CRACD: variants seen among roughly 807,000 people sequenced by gnomAD.
CRACD encodes the protein capping protein inhibiting regulator of actin dynamics, also known as capping protein-inhibiting regulator of actin dynamics.
CRACD carries 56 observed loss-of-function variants against 106.8 expected under a neutral mutation model. The observed-to-expected ratio is 0.52, with a 90% CI of 0.42 to 0.66. The LOEUF is 0.66. Ranked by LOEUF, CRACD falls within the 30% of genes least tolerant of loss-of-function variation. The pLI is 0.00. For missense variants in CRACD, 1,730 were observed against 1,623.2 expected (o/e 1.07, Z -1.13); for synonymous variants, 754 against 670.8 (o/e 1.12, Z -1.92).
intron 2 of CRACD, among the ~76,000 whole-genome samples, chr4:56,268,351 G>A (rs1348313627): frequency 3.3e-5 from 5 of 151,928 alleles, no homozygotes; most frequent in Admixed American, 2.6e-4. Flanking sequence ...CCCAGGCTGG[G>A]ATAATGATGT....
intron 2 of CRACD, among the ~76,000 whole-genome samples, chr4:56,252,075 T>A (rs1741087053): frequency 6.6e-6 from 1 of 152,242 alleles, no homozygotes; most frequent in South Asian, 2.1e-4. Context: ...CTATTATACT[T>A]AGTGTTACTA....
chr4:56,089,187 C>A (rs1223277355), intron 1 of CRACD, among the ~76,000 whole-genome samples: 1 of 152,216 alleles, frequency 6.6e-6, no homozygotes, highest in Non-Finnish European at 1.5e-5. Context: ...CTGTGAAGAT[C>A]CTACCTTACC....
chr4:56,105,237 G>A (rs1733911048), intron 1 of CRACD, among the ~76,000 whole-genome samples: 3 of 152,274 alleles, frequency 2.0e-5, no homozygotes, highest in South Asian at 2.1e-4. Context: ...AGTGGCTGAC[G>A]CTTGTAATCC....
intron 1 of CRACD, among the ~76,000 whole-genome samples, chr4:56,141,898 T>A (rs895486168): frequency 2.0e-5 from 3 of 151,808 alleles, no homozygotes; most frequent in African/African-American, 7.3e-5. Context: ...CTCACTGTGT[T>A]GCCCAGGCTG....
At position 56,307,662 on chromosome 4, in the gene CRACD, C is replaced by T. The variant is rs1221046974; in HGVS notation, c.248C>T (p.Thr83Ile). 6.2e-7 allele frequency: 1 copy of T among 1,614,166 alleles called. No individual in the cohort carries two copies. Among genetic ancestry groups the T allele is most frequent in the South Asian group, 1.1e-5 (1 of 91,072 alleles). The change falls in exon 5 of 11, where the codon ACT becomes ATT. Residue 83 changes from threonine to isoleucine, a missense_variant. By Grantham distance (89) the Thr-to-Ile change is moderately conservative. Coordinates refer to ENST00000682029, the MANE Select transcript of CRACD (RefSeq NM_001393381.1). ...LFLTSPMEIVTQQDIVLSDAE... is the reference protein window; with the variant it reads ...LFLTSPMEIVIQQDIVLSDAE... ...CTGACCAGTCCCATGGAAATTGTGA[C>T]TCAGCAGGACATCGTCCTCTCAGAC...
intron 2 of CRACD, among the ~76,000 whole-genome samples, chr4:56,255,790 T>C (rs975041080): frequency 2.0e-5 from 3 of 152,230 alleles, no homozygotes; most frequent in African/African-American, 4.8e-5. Flanking sequence ...TCATGTCTGG[T>C]GGCTTTTCTT....
chr4:56,087,065 G>A (rs1413828416), intron 1 of CRACD, among the ~76,000 whole-genome samples: 2 of 152,026 alleles, frequency 1.3e-5, no homozygotes, highest in African/African-American at 4.8e-5. Context: ...AGGCTGGAGT[G>A]TGGTGGTGTG....
chr4:56,235,609 G>A (rs1398053870), intron 2 of CRACD, among the ~76,000 whole-genome samples: 8 of 152,130 alleles, frequency 5.3e-5, no homozygotes, highest in South Asian at 4.1e-4. Context: ...AAAGTCATAC[G>A]CTACATGCTC....
At chr4:56,100,056 C>T (rs1577961950) in intron 1 of CRACD, among the ~76,000 whole-genome samples, 1 of 152,152 alleles carries the variant, frequency 6.6e-6, no homozygotes, top group South Asian at 2.1e-4. Context: ...GCCTGGCTAC[C>T]ATGGTGAAAC....
intron 1 of CRACD, among the ~76,000 whole-genome samples, chr4:56,146,505 G>C (rs907601628): frequency 6.6e-6 from 1 of 151,160 alleles, no homozygotes; most frequent in Non-Finnish European, 1.5e-5. Flanking sequence ...TGCCATGCTG[G>C]TGTGCTGCAC....
intron 1 of CRACD, among the ~76,000 whole-genome samples, chr4:56,050,784 C>A (rs373084604): frequency 1.3e-5 from 2 of 152,190 alleles, no homozygotes; most frequent in Admixed American, 6.5e-5. Flanking sequence ...CTGGATCGCC[C>A]TTTCCACTGT....
intron 4 of CRACD, among the ~76,000 whole-genome samples, chr4:56,302,529 C>G (rs936150223): frequency 1.3e-5 from 2 of 152,176 alleles, no homozygotes; most frequent in Non-Finnish European, 2.9e-5. Context: ...TTACAAATAC[C>G]AAAGTCATAC....
chr4:56,185,692 G>T (rs914193645), intron 2 of CRACD, among the ~76,000 whole-genome samples: 2 of 152,172 alleles, frequency 1.3e-5, no homozygotes, highest in East Asian at 3.9e-4. Context: ...TACTTAATCT[G>T]CAAGGATATG....
chr4:56,092,614 T>A (rs965148231), intron 1 of CRACD, among the ~76,000 whole-genome samples: 2 of 152,052 alleles, frequency 1.3e-5, no homozygotes, highest in Non-Finnish European at 2.9e-5. Flanking sequence ...ATTTTTTAAT[T>A]TTTTTTGAGA....
chr4:56,053,224 TG>T (rs1203149867), intron 1 of CRACD, among the ~76,000 whole-genome samples: 3 of 152,222 alleles, frequency 2.0e-5, no homozygotes, highest in Non-Finnish European at 2.9e-5. Context: ...CATAGTGTAT[TG>T]ATTGGTCTTA....
chr4:56,318,157 A>G (rs1268066148), intron 8 of CRACD, among the ~76,000 whole-genome samples: 1 of 151,718 alleles, frequency 6.6e-6, no homozygotes, highest in Non-Finnish European at 1.5e-5. Context: ...ATTTTATTTT[A>G]TTGTTTATTA....
chr4:56,055,345 G>A (rs373728625), intron 1 of CRACD, among the ~76,000 whole-genome samples: 10 of 152,018 alleles, frequency 6.6e-5, no homozygotes, highest in African/African-American at 2.4e-4. Context: ...GAAAATTCTT[G>A]TATATAATTG....
rs57923463 is a variant in CRACD at position 56,263,828 on chromosome 4, G to C, written c.-188-8493G>C. ...TGTGATGAATTATCACTGGAGTTGG[G>C]GGCTTGGGAAAATTTTAAGGACATA... On this transcript the variant is annotated intron_variant, in intron 2 of 10. Coordinates refer to ENST00000682029, the MANE Select transcript of CRACD (RefSeq NM_001393381.1). Among the ~76,000 whole-genome samples the C allele has an allele frequency of 8.9e-4, 135 of 152,230 alleles. 2 individuals are homozygous for C. The East Asian group carries it at 0.024, about 27-fold the overall frequency.
At chr4:56,077,703 G>T (rs1326034421) in intron 1 of CRACD, among the ~76,000 whole-genome samples, 1 of 152,164 alleles carries the variant, frequency 6.6e-6, no homozygotes, top group Non-Finnish European at 1.5e-5. Context: ...TTTGCACGTA[G>T]ACTTAGCAGC....
Sources: allele counts gnomAD v4.1 joint callset (sites outside exome capture counted in the v4.1 genomes callset), GRCh38; gene constraint gnomAD v4.1.1; transcripts MANE v1.5; gene names NCBI Gene and HGNC (gene_info 2026-07-23, HGNC 2026-07-21).